KYAT1: variants seen among roughly 807,000 people sequenced by gnomAD.
The protein encoded by KYAT1 is kynurenine--oxoglutarate transaminase 1.
A neutral mutation model predicts 52.4 loss-of-function variants in KYAT1; 47 were observed. The observed-to-expected ratio is 0.90, with a 90% CI of 0.71 to 1.14. KYAT1 has a LOEUF of 1.14. Ranked by LOEUF, KYAT1 falls within the 50% of genes most tolerant of loss-of-function variation. The pLI is 0.00. For missense variants in KYAT1, 480 were observed against 557.9 expected (o/e 0.86, Z 1.41); for synonymous variants, 212 against 209.6 (o/e 1.01, Z -0.10).
At chr9:128,867,648 T>TTAAC (rs1167900801) in intron 1 of KYAT1, among the ~76,000 whole-genome samples, 1 of 152,210 alleles carries the variant, frequency 6.6e-6, no homozygotes, top group Non-Finnish European at 1.5e-5. Flanking sequence ...ACTGCGTGGT[T>TTAAC]TAACCATAGA....
intron 2 of KYAT1, 71 bp downstream of exon 2, chr9:128,845,282 C>T: frequency 7.8e-7 from 1 of 1,279,430 alleles, no homozygotes; most frequent in South Asian, 1.2e-5. Context: ...TACTGAGTTG[C>T]TGTAAACCCA....
intron 1 of KYAT1, among the ~76,000 whole-genome samples, chr9:128,879,724 TCCCTTCCTTGGAGAAGC>T (rs920778159): frequency 1.3e-5 from 2 of 152,180 alleles, no homozygotes; most frequent in Admixed American, 6.5e-5. Flanking sequence ...ACATTGAAAG[TCCCTTCCTTGGAGAAGC>T]CCCTTCTGAC....
At chr9:128,839,872 A>T (rs1317313053) in intron 3 of KYAT1, among the ~76,000 whole-genome samples, 1 of 150,182 alleles carries the variant, frequency 6.7e-6, no homozygotes, top group Non-Finnish European at 1.5e-5. Flanking sequence ...GGCAACACAG[A>T]GGGACTCTGT....
chr9:128,858,004 T>C (rs1834900575), intron 1 of KYAT1, among the ~76,000 whole-genome samples: 2 of 152,180 alleles, frequency 1.3e-5, no homozygotes, highest in African/African-American at 4.8e-5. Flanking sequence ...TAAGAACTTT[T>C]GTGCTTCAAG....
intron 1 of KYAT1, among the ~76,000 whole-genome samples, chr9:128,849,576 A>G (rs965653637): frequency 1.3e-5 from 2 of 151,226 alleles, no homozygotes; most frequent in African/African-American, 2.4e-5. Flanking sequence ...CAGGCTGATC[A>G]TGAGGTTAGG....
At chr9:128,838,584 C>T (rs1831559545) in intron 3 of KYAT1, among the ~76,000 whole-genome samples, 1 of 152,206 alleles carries the variant, frequency 6.6e-6, no homozygotes, top group Admixed American at 6.5e-5. Flanking sequence ...ATCTCATCCT[C>T]TCAACAACCC....
intron 2 of KYAT1, among the ~76,000 whole-genome samples, chr9:128,844,698 A>G (rs916783518): frequency 1.3e-5 from 2 of 151,604 alleles, no homozygotes; most frequent in African/African-American, 4.9e-5. Context: ...TTGCGGGGGA[A>G]AAGAAAAAGA....
At chr9:128,868,887 G>A (rs1415735503) in intron 1 of KYAT1, among the ~76,000 whole-genome samples, 2 of 151,848 alleles carry the variant, frequency 1.3e-5, no homozygotes, top group African/African-American at 4.8e-5. Flanking sequence ...TGTATTTTTA[G>A]TAGAGACGGG....
Position 128,842,569 on chromosome 9 carries a change from A to C in KYAT1, c.201+85T>G. ...AGAATCCCCTGGCTCTGTCCCCTGA[A>C]GCCTGACAGCTGTGTGGGCTTGAAG... On this transcript the variant is annotated intron_variant, in intron 3 of 12. Coordinates refer to ENST00000302586, the MANE Select transcript of KYAT1 (RefSeq NM_004059.5). 4.4e-6 allele frequency: 6 copies of C among 1,375,766 alleles called. No homozygotes were observed. In the Admixed American group the frequency reaches 1.1e-4, roughly 26 times the overall value. 85.2% of individuals were successfully genotyped at this position (1,375,766 alleles called of 1,614,324 possible).
intron 3 of KYAT1, chr9:128,842,106 C>T (rs1832297499): frequency 2.8e-6 from 1 of 359,628 alleles, no homozygotes; most frequent in South Asian, 2.1e-5. Context: ...GTGGGAGGAC[C>T]ACTTGAGACT....
chr9:128,863,102 C>T (rs964071034), intron 1 of KYAT1, among the ~76,000 whole-genome samples: 5 of 151,900 alleles, frequency 3.3e-5, no homozygotes, highest in Admixed American at 1.3e-4. Flanking sequence ...GCTGAGATTA[C>T]AGGCATGAGC....
intron 1 of KYAT1, among the ~76,000 whole-genome samples, chr9:128,870,173 T>G (rs541155725): frequency 9.9e-5 from 15 of 152,220 alleles, no homozygotes; most frequent in African/African-American, 3.6e-4. Flanking sequence ...CACAGAAACA[T>G]GTACACAAAT....
chr9:128,876,101 C>T (rs1837989492), intron 1 of KYAT1, among the ~76,000 whole-genome samples: 1 of 152,144 alleles, frequency 6.6e-6, no homozygotes, highest in Admixed American at 6.6e-5. Context: ...CACCTTCCCT[C>T]CCTTTACTCT....
At chr9:128,835,171 C>A in intron 11 of KYAT1, 152 bp downstream of exon 11, 1 of 706,620 alleles carries the variant, frequency 1.4e-6, no homozygotes, top group Middle Eastern at 3.0e-4. Context: ...AAGAAACAGC[C>A]TCCTCATTCT....
At chr9:128,847,335 A>G in intron 1 of KYAT1, 1 of 758,322 alleles carries the variant, frequency 1.3e-6, no homozygotes, top group Non-Finnish European at 2.1e-6. Context: ...GGCTCCCTGA[A>G]AGAGAAGGCT....
intron 1 of KYAT1, among the ~76,000 whole-genome samples, chr9:128,867,939 A>T (rs1588143271): frequency 6.6e-6 from 1 of 151,574 alleles, no homozygotes; most frequent in African/African-American, 2.4e-5. Flanking sequence ...CGCCCAGCTA[A>T]TTTTTTTGTA....
At chr9:128,877,361 A>G (rs1387009342) in intron 1 of KYAT1, among the ~76,000 whole-genome samples, 1 of 152,078 alleles carries the variant, frequency 6.6e-6, no homozygotes, top group Admixed American at 6.6e-5. Flanking sequence ...GAAAGCACCT[A>G]CCTGTGCCTG....
chr9:128,855,102 C>T (rs1834434334), intron 1 of KYAT1, among the ~76,000 whole-genome samples: 2 of 152,122 alleles, frequency 1.3e-5, no homozygotes, highest in South Asian at 4.2e-4. Flanking sequence ...TCAAAAGACC[C>T]AGAAGTCTTA....
intron 1 of KYAT1, among the ~76,000 whole-genome samples, chr9:128,876,654 C>T (rs1297248482): frequency 6.0e-5 from 9 of 150,398 alleles, no homozygotes; most frequent in Admixed American, 5.3e-4. Flanking sequence ...CTCCTGACCT[C>T]GTGATCCGCC....
Sources: allele counts gnomAD v4.1 joint callset (sites outside exome capture counted in the v4.1 genomes callset), GRCh38; gene constraint gnomAD v4.1.1; transcripts MANE v1.5; gene names NCBI Gene and HGNC (gene_info 2026-07-23, HGNC 2026-07-21).